PIF1: variants seen among roughly 807,000 people sequenced by gnomAD.
PIF1 encodes ATP-dependent DNA helicase PIF1.
Under a neutral mutation model 62.3 loss-of-function variants are expected in PIF1, and 67 were observed. That is an observed-to-expected ratio of 1.08 (90% CI 0.88 to 1.32). The LOEUF is 1.32. Among genes scored for constraint, PIF1 ranks in the 40% most tolerant of loss-of-function variants. The pLI is 0.00. For missense variants in PIF1, 886 were observed against 866.1 expected, an observed-to-expected ratio of 1.02 and a Z score of -0.29; for synonymous variants, 364 against 379.5, an observed-to-expected ratio of 0.96 and a Z score of 0.47.
At chr15:64,820,242 G>C (rs542394136) in intron 7 of PIF1, among the ~76,000 whole-genome samples, 3 of 152,234 alleles carry the variant, frequency 2.0e-5, no homozygotes, top group Non-Finnish European at 4.4e-5. Context: ...CCCCAGGTCA[G>C]AGCTGGCCAC....
intron 8 of PIF1, 24 bp downstream of exon 8, chr15:64,819,823 G>T: frequency 6.2e-7 from 1 of 1,610,516 alleles, no homozygotes; most frequent in Non-Finnish European, 8.5e-7. Context: ...AGCTGGTCTT[G>T]CCCAGCCCAG....
At chr15:64,825,834 C>G (rs1018354493), upstream of PIF1, among the ~76,000 whole-genome samples, 14 of 152,164 alleles carry the variant, frequency 9.2e-5, no homozygotes, top group Non-Finnish European at 4.4e-5. Flanking sequence ...GGTGGCTGAG[C>G]ATACCAAATC....
chr15:64,819,501 G>T lies in PIF1; in HGVS notation c.1334-278C>A, dbSNP rs564083443. 3.9e-5 allele frequency among the ~76,000 whole-genome samples: 6 copies of T among 152,092 alleles called. No individual in the cohort carries two copies. In the East Asian group the frequency reaches 1.2e-3, roughly 29 times the overall value. On this transcript the variant is annotated intron_variant, in intron 8 of 12. Coordinates refer to ENST00000559239, the MANE Select transcript of PIF1 (RefSeq NM_001286496.2). Reference sequence around the variant, plus strand: ...TTTTTCTATTTTTAGTAGAGATGGGGTTTTGCCATGTTGGGCAGGCTGGTC... The same window carrying T: ...TTTTTCTATTTTTAGTAGAGATGGGTTTTTGCCATGTTGGGCAGGCTGGTC...
chr15:64,819,469 G>T (rs991479528), intron 8 of PIF1, among the ~76,000 whole-genome samples: 6 of 152,000 alleles, frequency 3.9e-5, no homozygotes, highest in African/African-American at 1.2e-4. Context: ...ACCACATCTG[G>T]CTAATTTTTT....
At chr15:64,817,030 C>T (rs1051767441) in intron 11 of PIF1, among the ~76,000 whole-genome samples, 1 of 152,206 alleles carries the variant, frequency 6.6e-6, no homozygotes, top group African/African-American at 2.4e-5. Flanking sequence ...ATCCAGGCTG[C>T]CACTCACTAA....
rs774585038 is a variant in PIF1 at position 64,815,879 on chromosome 15, AC to A, written c.*418del. The stretch of plus-strand genomic sequence containing the variant: ...GAGGCTGCACCCAGCCTGAGTCCCC[AC>A]CAGTCCCCTCCAAGAGCCCTGATGC... On this transcript the variant is annotated 3_prime_UTR_variant, in exon 13 of 13. Transcript: ENST00000559239. 8 of 1,550,390 alleles carry A rather than the reference AC, an allele frequency of 5.2e-6. No homozygotes were observed. The highest frequency in any genetic ancestry group is 1.4e-5 in the African/African-American group (1 of 72,998).
chr15:64,818,507 G>T, intron 9 of PIF1, 163 bp from the exon 10 acceptor site: 1 of 632,912 alleles, frequency 1.6e-6, no homozygotes, highest in Non-Finnish European at 2.7e-6. Flanking sequence ...GGGGCAAGTT[G>T]CCTTATCTTC....
In PIF1 at chr15:64,816,163, G is replaced by A. The variant is rs1465334862; in HGVS notation, c.*135C>T. 2.0e-5 allele frequency: 30 copies of A among 1,511,576 alleles called. No individual in the cohort carries two copies. In the Admixed American group the frequency reaches 4.9e-4, roughly 24 times the overall value. The allele number at this position is 1,511,576 out of a possible 1,614,324, so 93.6% of individuals were successfully genotyped here. On this transcript the variant is annotated 3_prime_UTR_variant, in exon 13 of 13. Coordinates refer to ENST00000559239, the MANE Select transcript of PIF1 (RefSeq NM_001286496.2). ...ACTCTCCCTTTAACCCTGCCAGGAG[G>A]CTGAGAGTCCCTAAAAAATACAGAA...
In PIF1 at chr15:64,818,806, A is replaced by G. The variant is rs2084235697; in HGVS notation, c.1440+311T>C. 9.0e-6 allele frequency: 3 copies of G among 334,520 alleles called. No individual in the cohort carries two copies. The South Asian group carries it at 1.6e-4, about 18-fold the overall frequency. The allele number at this position is 334,520 out of a possible 1,614,324, so 20.7% of individuals were successfully genotyped here. Reference sequence around the variant, plus strand: ...CAGGACTGTCTCCTGTTTATAAAGTATACTACAGAAGACAGCTGTGTGGGG... The same window carrying G: ...CAGGACTGTCTCCTGTTTATAAAGTGTACTACAGAAGACAGCTGTGTGGGG... On this transcript the variant is annotated intron_variant, in intron 9 of 12. Coordinates refer to ENST00000559239, the MANE Select transcript of PIF1 (RefSeq NM_001286496.2).
intron 11 of PIF1, 103 bp from the exon 12 acceptor site, chr15:64,816,868 G>T: frequency 9.1e-7 from 1 of 1,096,794 alleles, no homozygotes; most frequent in Non-Finnish European, 1.3e-6. Flanking sequence ...GGATCTCCTC[G>T]TCCAGTCCAG....
intron 10 of PIF1, 65 bp downstream of exon 10, chr15:64,818,192 C>T (rs55945924): frequency 0.36 from 587,307 of 1,609,288 alleles, 114,374 homozygotes; most frequent in Non-Finnish European, 0.41. Flanking sequence ...TTTTCTCCCC[C>T]CACCATTCCC....
Position 64,822,315 on chromosome 15 carries a change from A to T in PIF1, c.768T>A (p.Thr256=). Residue 256 remains threonine (T), a synonymous_variant, in exon 4 of 13, where the codon ACT becomes ACA. Transcript: ENST00000559239. ...CCCCGATGTGGCAGGCTGCCACCCCAGTGCTGGCAGTGGCCACAGTGCCTG... is the reference window on the plus strand; with the variant it reads ...CCCCGATGTGGCAGGCTGCCACCCCTGTGCTGGCAGTGGCCACAGTGCCTG... ...PPTGTVATAS[T]GVAACHIGGT... 1 of 1,611,570 alleles carries T rather than the reference A, an allele frequency of 6.2e-7. No individual in the cohort carries two copies. Among genetic ancestry groups the T allele is most frequent in the Non-Finnish European group, 8.5e-7 (1 of 1,179,810 alleles).
At chr15:64,826,624 T>TTATATATATATATATATA (rs764170884), upstream of PIF1, among the ~76,000 whole-genome samples, 22 of 36,070 alleles carry the variant, frequency 6.1e-4, no homozygotes, top group South Asian at 1.0e-3. Flanking sequence ...CCCAGCTAAT[T>TTATATATATATATATATA]TATATATATA....
In PIF1 at chr15:64,816,031, C is replaced by T. The variant is rs2084175659; in HGVS notation, c.*267G>A. 4.1e-6 allele frequency: 6 copies of T among 1,471,978 alleles called. No homozygotes were observed. Among genetic ancestry groups the T allele is most frequent in the Non-Finnish European group, 4.5e-6 (5 of 1,113,810 alleles). 91.2% of individuals were successfully genotyped at this position (1,471,978 alleles called of 1,614,324 possible). A position where few individuals can be genotyped will look rare whatever the true frequency, so the allele number is the denominator to read the frequency against. On this transcript the variant is annotated 3_prime_UTR_variant, in exon 13 of 13. Transcript: ENST00000559239. ...TTGTCCTCTGACATCAGCTACCACA[C>T]AGGCTCATTCTCAACTGGCACAGAA...
intron 1 of PIF1, among the ~76,000 whole-genome samples, chr15:64,825,047 A>G (rs1158326495): frequency 1.3e-5 from 2 of 151,398 alleles, no homozygotes; most frequent in African/African-American, 4.9e-5. Context: ...CTACACAACA[A>G]TTTCCAGAGC....
At chr15:64,823,640 C>T in intron 2 of PIF1, 138 bp downstream of exon 2, 1 of 542,636 alleles carries the variant, frequency 1.8e-6, no homozygotes, top group Non-Finnish European at 2.9e-6. Context: ...ACAATTCCCA[C>T]ACCCCTGTCA....
rs896485743 is a variant in PIF1 at position 64,816,164 on chromosome 15, C to T, written c.*134G>A. On this transcript the variant is annotated 3_prime_UTR_variant, in exon 13 of 13. Transcript: ENST00000559239. ...CTCTCCCTTTAACCCTGCCAGGAGGCTGAGAGTCCCTAAAAAATACAGAAG... is the reference window on the plus strand; with the variant it reads ...CTCTCCCTTTAACCCTGCCAGGAGGTTGAGAGTCCCTAAAAAATACAGAAG... 2.0e-6 allele frequency: 3 copies of T among 1,512,680 alleles called. No individual in the cohort carries two copies. Among genetic ancestry groups the T allele is most frequent in the Non-Finnish European group, 1.8e-6 (2 of 1,133,740 alleles). The allele number at this position is 1,512,680 out of a possible 1,614,324, so 93.7% of individuals were successfully genotyped here.
At chr15:64,821,729 G>T in intron 4 of PIF1, 2 of 543,246 alleles carry the variant, frequency 3.7e-6, no homozygotes, top group Non-Finnish European at 6.3e-6. Flanking sequence ...ACACCACCAT[G>T]CTCAGCTAAT....
chr15:64,821,438 G>A lies in PIF1; in HGVS notation c.900C>T (p.Cys300=), dbSNP rs753816068. 93 of 1,614,178 alleles carry A rather than the reference G, an allele frequency of 5.8e-5. No homozygotes were observed. The highest frequency in any genetic ancestry group is 7.9e-5 in the Non-Finnish European group (93 of 1,180,034). Residue 300 remains cysteine, a synonymous_variant, in exon 5 of 13, where the codon TGC becomes TGT. Transcript: ENST00000559239. ...AGATCTCGTCAATGACCAACCGCTG[G>A]CAGTTCAGCCAGCCCTGCCGCACGC... is the stretch of plus-strand genomic sequence containing the variant. ...RPGVRQGWLN[C]QRLVIDEISM...
Sources: gnomAD v4.1 joint callset for allele counts (sites outside exome capture counted in the v4.1 genomes callset) on GRCh38, gnomAD v4.1.1 for gene constraint, MANE v1.5 for transcripts, NCBI Gene and HGNC (gene_info 2026-07-23, HGNC 2026-07-21) for gene names.